The following FGD6 variants were observed in gnomAD, a reference collection of about 807,000 sequenced individuals.
FGD6 encodes the protein FYVE, RhoGEF and PH domain-containing protein 6.
FGD6 carries 90 observed loss-of-function variants against 149.4 expected under a neutral mutation model. The ratio of observed to expected loss-of-function variants is 0.60; its 90% confidence interval spans 0.51 to 0.72. FGD6 has a LOEUF of 0.72. FGD6 is among the 30% of genes least tolerant of loss of function. The pLI is 0.00. For synonymous variants in FGD6, 527 were observed against 584.0 expected (o/e 0.90, Z 1.41); for missense variants, 1,437 against 1,684.8 (o/e 0.85, Z 2.57).
In FGD6 at chr12:95,209,108, T is replaced by C. The variant is rs2056708125; in HGVS notation, c.2176A>G (p.Met726Val). 2 of 1,614,144 alleles carry C rather than the reference T, an allele frequency of 1.2e-6. No individual in the cohort carries two copies. The highest frequency in any genetic ancestry group is 1.6e-4 in the Middle Eastern group (1 of 6,062). ...TGAGATGATGACTCCCGGGAGAGCA[T>C]TTGGTCATCCAAAGACTCAGCTCTC... is the stretch of plus-strand genomic sequence containing the variant. ...GLRAESLDDQ[M>V]LSRESSSQAP... The change falls in exon 2 of 21, where the codon ATG becomes GTG. Residue 726 changes from methionine (M) to valine (V), a missense_variant. Met to Val is a conservative substitution (Grantham distance 21, BLOSUM62 1). Around this residue, in one of 2 missense-constraint regions of FGD6, gnomAD observed 1,055 missense variants for 1,146.0 expected, o/e 0.92. Transcript: ENST00000343958.
chr12:95,148,722 A>G (rs1254072035), intron 5 of FGD6, among the ~76,000 whole-genome samples: 1 of 87,766 alleles, frequency 1.1e-5, no homozygotes, highest in African/African-American at 5.1e-5. Context: ...AGCATATGTT[A>G]TATTACATAT....
intron 2 of FGD6, among the ~76,000 whole-genome samples, chr12:95,186,180 C>G (rs1393093535): frequency 6.9e-6 from 1 of 145,406 alleles, no homozygotes; most frequent in Non-Finnish European, 1.5e-5. Context: ...AACCTGCTGC[C>G]TGTTTTTGTA....
intron 3 of FGD6, among the ~76,000 whole-genome samples, chr12:95,165,804 A>AT (rs1027611082): frequency 2.7e-5 from 4 of 150,606 alleles, no homozygotes; most frequent in Non-Finnish European, 5.9e-5. Context: ...TACCTGGCTA[A>AT]TTTTTTGTGT....
intron 8 of FGD6, among the ~76,000 whole-genome samples, chr12:95,128,975 G>A (rs1340396501): frequency 6.6e-6 from 1 of 152,188 alleles, no homozygotes; most frequent in Admixed American, 6.5e-5. Flanking sequence ...CTAATAAACA[G>A]AATGAAAGTG....
In FGD6 at chr12:95,094,560, CT is replaced by C. The variant is rs771584384; in HGVS notation, c.3600+31del. 3.5e-5 allele frequency: 50 copies of C among 1,429,918 alleles called. No homozygotes were observed. In the South Asian group the frequency reaches 5.8e-4, roughly 17 times the overall value. The allele number at this position is 1,429,918 out of a possible 1,614,324, so 88.6% of individuals were successfully genotyped here. Reference sequence around the variant, plus strand: ...TTTAAGGTAAAAACTTTGAAATGCACTGGAAAAAAAAAAAAAAGGAGAAAAC... The same window carrying C: ...TTTAAGGTAAAAACTTTGAAATGCACGGAAAAAAAAAAAAAAGGAGAAAAC... On this transcript the variant is annotated intron_variant, in intron 15 of 20. Coordinates refer to ENST00000343958, the MANE Select transcript of FGD6 (RefSeq NM_018351.4).
At chr12:95,178,623 C>T (rs374605252) in intron 2 of FGD6, among the ~76,000 whole-genome samples, 7 of 151,956 alleles carry the variant, frequency 4.6e-5, no homozygotes, top group Non-Finnish European at 8.8e-5. Flanking sequence ...ATCTTCTCTT[C>T]GAGAGGTTGC....
At chr12:95,190,773 A>C (rs1005508414) in intron 2 of FGD6, among the ~76,000 whole-genome samples, 1 of 152,122 alleles carries the variant, frequency 6.6e-6, no homozygotes, top group Non-Finnish European at 1.5e-5. Flanking sequence ...ATTTTGGGCG[A>C]GGCATGGTGG....
At chr12:95,122,232 GA>G (rs1350876109) in intron 8 of FGD6, among the ~76,000 whole-genome samples, 8 of 152,270 alleles carry the variant, frequency 5.3e-5, no homozygotes, top group African/African-American at 1.2e-4. Context: ...GAATATATTA[GA>G]AGCTAAGTAA....
At chr12:95,084,143 A>G (rs1013006121) in intron 20 of FGD6, among the ~76,000 whole-genome samples, 2 of 152,196 alleles carry the variant, frequency 1.3e-5, no homozygotes, top group African/African-American at 4.8e-5. Context: ...AAAGTCCTGG[A>G]ATGTTTCAAG....
chr12:95,142,022 C>T (rs1182661730), intron 5 of FGD6, among the ~76,000 whole-genome samples: 3 of 152,072 alleles, frequency 2.0e-5, no homozygotes, highest in African/African-American at 7.2e-5. Flanking sequence ...GAGAGAGGCA[C>T]GTGTTGTGGG....
At chr12:95,161,212 G>A (rs1342368378) in intron 3 of FGD6, among the ~76,000 whole-genome samples, 1 of 151,572 alleles carries the variant, frequency 6.6e-6, no homozygotes, top group African/African-American at 2.4e-5. Flanking sequence ...ACACCCACTT[G>A]TGGCTGGGCC....
At chr12:95,138,538 A>G (rs1435168988) in intron 6 of FGD6, among the ~76,000 whole-genome samples, 1 of 150,818 alleles carries the variant, frequency 6.6e-6, no homozygotes, top group Non-Finnish European at 1.5e-5. Flanking sequence ...GAGTGAGACA[A>G]TGTCTCAAAA....
chr12:95,103,701 A>AT (rs1390896629), intron 14 of FGD6, among the ~76,000 whole-genome samples: 1 of 151,970 alleles, frequency 6.6e-6, no homozygotes. Context: ...TGTCTGGCTA[A>AT]TTTTTTTGTA....
chr12:95,085,274 G>T (rs1368875262), intron 19 of FGD6, among the ~76,000 whole-genome samples: 1 of 148,342 alleles, frequency 6.7e-6, no homozygotes, highest in Admixed American at 6.8e-5. Context: ...GAGTGCAGTG[G>T]CACGATCTCA....
At chr12:95,192,485 C>G (rs1284926601) in intron 2 of FGD6, among the ~76,000 whole-genome samples, 1 of 152,190 alleles carries the variant, frequency 6.6e-6, no homozygotes, top group African/African-American at 2.4e-5. Flanking sequence ...AATTCACTTC[C>G]TCATTCATTC....
chr12:95,155,671 A>C (rs1026517773), intron 3 of FGD6, among the ~76,000 whole-genome samples: 1 of 152,338 alleles, frequency 6.6e-6, no homozygotes, highest in Non-Finnish European at 1.5e-5. Flanking sequence ...AATAGTAGTC[A>C]GTCATTAGAG....
At position 95,104,986 on chromosome 12, in the gene FGD6, AAAG is replaced by A. The variant is rs748130800; in HGVS notation, c.3497+18_3497+20del. On this transcript the variant is annotated intron_variant, in intron 14 of 20. Coordinates refer to ENST00000343958, the MANE Select transcript of FGD6 (RefSeq NM_018351.4). ...CTCAGAATGAGAAAAAAAAAAAAAA[AAAG>A]AAGAAGAAAAAATTTACCTGGCTGA... is the stretch of plus-strand genomic sequence containing the variant. The A allele has an allele frequency of 5.6e-4, 837 of 1,498,700 alleles. 1 individual carries two copies. Among genetic ancestry groups the A allele is most frequent in the South Asian group, 1.7e-3 (127 of 76,106 alleles). 92.8% of individuals were successfully genotyped at this position (1,498,700 alleles called of 1,614,324 possible).
chr12:95,140,001 C>T (rs1879798115), intron 6 of FGD6, among the ~76,000 whole-genome samples: 1 of 152,128 alleles, frequency 6.6e-6, no homozygotes, highest in African/African-American at 2.4e-5. Flanking sequence ...TTATTTTATA[C>T]TTAGGCTACG....
At chr12:95,160,989 G>A (rs998516787) in intron 3 of FGD6, among the ~76,000 whole-genome samples, 5 of 151,962 alleles carry the variant, frequency 3.3e-5, no homozygotes, top group African/African-American at 2.4e-5. Context: ...AGACCAGGCT[G>A]GCCAACATGG....
Sources: allele counts gnomAD v4.1 joint callset (sites outside exome capture counted in the v4.1 genomes callset), GRCh38; gene constraint gnomAD v4.1.1; regional missense constraint gnomAD v4.1.1; transcripts MANE v1.5; gene names NCBI Gene and HGNC (gene_info 2026-07-23, HGNC 2026-07-21).